Variants in SUSD4 observed in about 807,000 individuals in gnomAD.
SUSD4 encodes sushi domain containing 4.
In SUSD4, 41 loss-of-function variants were observed where a neutral mutation model predicts 50.5. The ratio of observed to expected loss-of-function variants is 0.81; its 90% CI spans 0.63 to 1.05. SUSD4 has a LOEUF of 1.05. SUSD4 is among the 50% of genes least tolerant of loss of function. SUSD4 has a pLI of 0.00. For synonymous variants in SUSD4, 257 were observed against 257.3 expected, an observed-to-expected ratio of 1.00 and a Z score of 0.01; for missense variants, 580 against 634.7, an observed-to-expected ratio of 0.91 and a Z score of 0.93.
rs1667233519 is a variant in SUSD4, at chr1:223,332,585, A to G, written c.148+30693T>C. 6.6e-6 allele frequency among the ~76,000 whole-genome samples: 1 copy of G among 152,240 alleles called. No individual in the cohort carries two copies. Among genetic ancestry groups the G allele is most frequent in the Admixed American group, 6.5e-5 (1 of 15,284 alleles). ...TTTTTAATGCTGTAATTTGGATTCA[A>G]GACGTAAAAAATACATCTCAGGCAC... On this transcript the variant is annotated intron_variant, in intron 2 of 8. Coordinates refer to ENST00000366878, the MANE Select transcript of SUSD4 (RefSeq NM_017982.4). This position sits in a 1 kb window ranked among gnomAD's most constrained non-coding sequence, Gnocchi z 4.0.
intron 2 of SUSD4, among the ~76,000 whole-genome samples, chr1:223,316,297 G>A (rs1666186094): frequency 6.6e-6 from 1 of 152,198 alleles, no homozygotes; most frequent in Non-Finnish European, 1.5e-5. Flanking sequence ...CTGGGGAGAA[G>A]TGAGGGAGAA....
At chr1:223,318,024 C>T (rs1319757940) in intron 2 of SUSD4, among the ~76,000 whole-genome samples, 4 of 80,502 alleles carry the variant, frequency 5.0e-5, no homozygotes, top group Non-Finnish European at 7.4e-5. Context: ...GACCCCACCA[C>T]AGTCCCCAGA....
At chr1:223,239,075 T>A (rs765870137) in intron 5 of SUSD4, among the ~76,000 whole-genome samples, 1 of 152,096 alleles carries the variant, frequency 6.6e-6, no homozygotes, top group East Asian at 1.9e-4. Context: ...TTTGTTTCTA[T>A]GTAATGCTCT....
chr1:223,224,166 G>A (rs527627753), intron 7 of SUSD4, among the ~76,000 whole-genome samples: 60 of 152,214 alleles, frequency 3.9e-4, no homozygotes, highest in Admixed American at 7.8e-4. Context: ...GTGAAACCCT[G>A]CCTATACAAA....
intron 2 of SUSD4, among the ~76,000 whole-genome samples, chr1:223,343,169 T>C (rs1318956839): frequency 9.2e-5 from 14 of 152,110 alleles, no homozygotes; most frequent in Non-Finnish European, 1.8e-4. Flanking sequence ...TGCTGGCTGT[T>C]CCCTCCACTG....
At chr1:223,236,590 G>A (rs1370805858) in intron 5 of SUSD4, among the ~76,000 whole-genome samples, 1 of 150,900 alleles carries the variant, frequency 6.6e-6, no homozygotes, top group Non-Finnish European at 1.5e-5. Flanking sequence ...AATAGTTCCA[G>A]CATTATTTGT....
At chr1:223,236,302 C>T (rs1660216434) in intron 5 of SUSD4, among the ~76,000 whole-genome samples, 1 of 152,134 alleles carries the variant, frequency 6.6e-6, no homozygotes, top group Non-Finnish European at 1.5e-5. Context: ...TGTGGCTTGT[C>T]TTCTCATTCT....
At chr1:223,295,639 C>T (rs1021340015) in intron 2 of SUSD4, among the ~76,000 whole-genome samples, 1 of 151,882 alleles carries the variant, frequency 6.6e-6, no homozygotes, top group Non-Finnish European at 1.5e-5. Context: ...GGTGGCTCTG[C>T]CAGCTGGGGA....
At chr1:223,360,342 C>A in intron 2 of SUSD4, 1 of 425,974 alleles carries the variant, frequency 2.3e-6, no homozygotes, top group Admixed American at 2.9e-5. Context: ...ACAGCTGAAG[C>A]CATGCTCCAT....
intron 3 of SUSD4, among the ~76,000 whole-genome samples, chr1:223,279,447 C>T (rs920202095): frequency 4.6e-5 from 7 of 152,076 alleles, no homozygotes; most frequent in Admixed American, 1.3e-4. Flanking sequence ...GTAGCCGATT[C>T]GATCAACTGG....
chr1:223,354,948 T>C (rs1668574292), intron 2 of SUSD4, among the ~76,000 whole-genome samples: 1 of 151,942 alleles, frequency 6.6e-6, no homozygotes, highest in Non-Finnish European at 1.5e-5. Context: ...AGAATGCATT[T>C]TCTTTCTTTC....
chr1:223,327,719 C>T (rs538419931), intron 2 of SUSD4, among the ~76,000 whole-genome samples: 3 of 152,308 alleles, frequency 2.0e-5, no homozygotes, highest in Admixed American at 6.5e-5. Context: ...GTCAGGGCCC[C>T]GGCATGGCCC....
At chr1:223,252,435 TAG>T (rs1204016350) in intron 5 of SUSD4, among the ~76,000 whole-genome samples, 1 of 151,528 alleles carries the variant, frequency 6.6e-6, no homozygotes, top group Non-Finnish European at 1.5e-5. Flanking sequence ...CCAGGGACAG[TAG>T]AGTCCCCCAC....
At chr1:223,329,607 T>C (rs1357153071) in intron 2 of SUSD4, among the ~76,000 whole-genome samples, 2 of 152,216 alleles carry the variant, frequency 1.3e-5, no homozygotes, top group African/African-American at 4.8e-5. Flanking sequence ...TCCCTAAAGT[T>C]CTTACTTCTG....
chr1:223,251,239 T>C (rs577202435), intron 5 of SUSD4, among the ~76,000 whole-genome samples: 3 of 152,196 alleles, frequency 2.0e-5, no homozygotes, highest in Non-Finnish European at 4.4e-5. Context: ...CATGGCTCCA[T>C]CATCTGCTTC....
intron 2 of SUSD4, among the ~76,000 whole-genome samples, chr1:223,351,886 T>C (rs1323658443): frequency 6.6e-6 from 1 of 151,912 alleles, no homozygotes; most frequent in Non-Finnish European, 1.5e-5. Flanking sequence ...CTTTTGCATT[T>C]CCATGGACGT....
chr1:223,243,591 T>C (rs1660730682), intron 5 of SUSD4, among the ~76,000 whole-genome samples: 1 of 152,260 alleles, frequency 6.6e-6, no homozygotes, highest in African/African-American at 2.4e-5. Flanking sequence ...AAGCCCATGC[T>C]GTCTCCACTA....
chr1:223,316,072 T>C (rs942939088), intron 2 of SUSD4, among the ~76,000 whole-genome samples: 11 of 152,058 alleles, frequency 7.2e-5, no homozygotes, highest in Non-Finnish European at 1.0e-4. Flanking sequence ...GAGACCTGCA[T>C]ACAAAGCCTG....
rs753228040 is a variant in SUSD4 at position 223,229,261 on chromosome 1, G to T, written c.852C>A (p.Tyr284Ter). 1 of 1,613,130 alleles carries T rather than the reference G, an allele frequency of 6.2e-7. No individual in the cohort carries two copies. The highest frequency in any genetic ancestry group is 1.7e-5 in the Admixed American group (1 of 60,014). Reference sequence around the variant, plus strand: ...CTCCATACTGGCAGGTGATGTACTTGTAGTCGCTGGTGAGGCTGTAGCCAG... The same window carrying T: ...CTCCATACTGGCAGGTGATGTACTTTTAGTCGCTGGTGAGGCTGTAGCCAG... ...CDPGYSLTSD[Y>*]KYITCQYGEW... Residue 284 changes from tyrosine to a stop codon, truncating the protein, a stop_gained, in exon 6 of 9, where the codon TAC becomes TAA. Coordinates refer to ENST00000366878, the MANE Select transcript of SUSD4 (RefSeq NM_017982.4). LOFTEE classifies it high-confidence loss of function. The surrounding 1 kb of genome is among the most constrained non-coding windows in gnomAD (Gnocchi z 4.7).
Sources: gnomAD v4.1 joint callset for allele counts (sites outside exome capture counted in the v4.1 genomes callset) on GRCh38, gnomAD v4.1.1 for gene constraint, Gnocchi (gnomAD v3.1) non-coding constraint, MANE v1.5 for transcripts, NCBI Gene and HGNC (gene_info 2026-07-23, HGNC 2026-07-21) for gene names.